The following DNAAF11 variants were observed in gnomAD, a reference collection of about 807,000 sequenced individuals.
DNAAF11 encodes the protein leucine rich repeat containing 6.
DNAAF11 carries 45 observed loss-of-function variants against 60.8 expected under a neutral mutation model. The observed-to-expected ratio is 0.74, with a 90% CI of 0.58 to 0.95. DNAAF11 has a LOEUF of 0.95. Among genes scored for constraint, DNAAF11 ranks in the 40% least tolerant of loss-of-function variants. The pLI is 0.00. For missense variants in DNAAF11, 546 were observed against 546.2 expected (o/e 1.00, Z 0.00); for synonymous variants, 191 against 183.5 (o/e 1.04, Z -0.33).
chr8:132,667,024 A>T (rs1258326718), intron 1 of DNAAF11, among the ~76,000 whole-genome samples: 1 of 152,246 alleles, frequency 6.6e-6, no homozygotes, highest in Non-Finnish European at 1.5e-5. Context: ...TGCGGCATTC[A>T]TTATGGCTAC....
chr8:132,641,489 G>C (rs1026625474), intron 3 of DNAAF11, among the ~76,000 whole-genome samples: 2 of 152,138 alleles, frequency 1.3e-5, no homozygotes, highest in African/African-American at 4.8e-5. Flanking sequence ...CTTGGCGTGA[G>C]ATAGAAGGTC....
At chr8:132,616,528 A>C (rs369777062) in intron 7 of DNAAF11, among the ~76,000 whole-genome samples, 1 of 152,108 alleles carries the variant, frequency 6.6e-6, no homozygotes, top group African/African-American at 2.4e-5. Flanking sequence ...GAGAAGAATT[A>C]AGGGAGAATC....
chr8:132,668,318 TG>T (rs1190633453), intron 1 of DNAAF11, among the ~76,000 whole-genome samples: 1 of 152,208 alleles, frequency 6.6e-6, no homozygotes, highest in Non-Finnish European at 1.5e-5. Flanking sequence ...AGTGTGCTAC[TG>T]AAAAGCACTA....
intron 10 of DNAAF11, among the ~76,000 whole-genome samples, chr8:132,593,410 G>A (rs762581385): frequency 1.4e-5 from 2 of 141,244 alleles, no homozygotes; most frequent in Non-Finnish European, 3.0e-5. Context: ...ACAAATTGCT[G>A]TTGAGAGACA....
chr8:132,651,155 G>C (rs1586695975), intron 3 of DNAAF11, among the ~76,000 whole-genome samples: 1 of 152,138 alleles, frequency 6.6e-6, no homozygotes, highest in South Asian at 2.1e-4. Context: ...AACACTGACT[G>C]CCAAAGGCGG....
intron 10 of DNAAF11, among the ~76,000 whole-genome samples, chr8:132,595,153 T>C (rs1816857948): frequency 6.6e-6 from 1 of 151,898 alleles, no homozygotes; most frequent in Admixed American, 6.6e-5. Flanking sequence ...AACAGACTAA[T>C]ACAGATGTAA....
chr8:132,668,387 G>C (rs978798790), intron 1 of DNAAF11, among the ~76,000 whole-genome samples: 3 of 152,196 alleles, frequency 2.0e-5, no homozygotes, highest in African/African-American at 7.2e-5. Flanking sequence ...ACAGGAGACA[G>C]TGATCGGTGC....
At chr8:132,603,205 T>C (rs889901024) in intron 10 of DNAAF11, among the ~76,000 whole-genome samples, 1 of 152,170 alleles carries the variant, frequency 6.6e-6, no homozygotes, top group Non-Finnish European at 1.5e-5. Context: ...CTCAGTGTGA[T>C]TGTTGTTCCT....
chr8:132,580,818 T>C (rs1815250756), intron 11 of DNAAF11, among the ~76,000 whole-genome samples: 1 of 152,214 alleles, frequency 6.6e-6, no homozygotes, highest in South Asian at 2.1e-4. Context: ...GTGTGTGTGT[T>C]TGTATGTGAG....
chr8:132,670,402 C>T (rs1327197989), intron 1 of DNAAF11, among the ~76,000 whole-genome samples: 1 of 152,070 alleles, frequency 6.6e-6, no homozygotes, highest in African/African-American at 2.4e-5. Flanking sequence ...CCTTAAAAGA[C>T]ACAAATTACA....
chr8:132,695,445 T>C, the DNAAF11 span, among the ~76,000 whole-genome samples: 2 of 152,106 alleles, frequency 1.3e-5, no homozygotes, highest in East Asian at 1.9e-4. Context: ...TTTCCTTCTA[T>C]AGAAACAGGA....
rs188930677 is a variant in DNAAF11, at chr8:132,572,210, C to T, written c.*96G>A. ...CTGGAGCAGCGATATTGACAAATAA[C>T]TCTGTGTTTATCCCAGGAATAATAT... On this transcript the variant is annotated 3_prime_UTR_variant, in exon 12 of 12. Coordinates refer to ENST00000620350, the MANE Select transcript of DNAAF11 (RefSeq NM_012472.6). 3.1e-6 allele frequency: 3 copies of T among 978,966 alleles called. No homozygotes were observed. Among genetic ancestry groups the T allele is most frequent in the African/African-American group, 3.3e-5 (2 of 60,786 alleles). 60.6% of individuals were successfully genotyped at this position (978,966 alleles called of 1,614,324 possible).
intron 10 of DNAAF11, among the ~76,000 whole-genome samples, chr8:132,589,832 T>C (rs1816277049): frequency 6.6e-6 from 1 of 152,238 alleles, no homozygotes; most frequent in Non-Finnish European, 1.5e-5. Context: ...TTAGCATTTA[T>C]AGATCCTCTT....
chr8:132,655,682 A>G lies in DNAAF11; in HGVS notation c.256+1148T>C, dbSNP rs538155911. ...CTTTGAATAAACATTTTTCCAAAGA[A>G]GATATTCAAGTGGCCAGTAAGCACA... On this transcript the variant is annotated intron_variant, in intron 3 of 11. Transcript: ENST00000620350. Among the ~76,000 whole-genome samples the G allele has an allele frequency of 2.0e-5, 3 of 152,352 alleles. No homozygotes were observed. The East Asian group carries it at 5.8e-4, about 29-fold the overall frequency.
intron 3 of DNAAF11, chr8:132,643,723 G>C (rs1822084079): frequency 4.4e-6 from 2 of 456,088 alleles, no homozygotes; most frequent in Non-Finnish European, 8.8e-6. Context: ...AGATAAGCAT[G>C]ATGTAAGTGC....
chr8:132,664,826 ATCTTC>A (rs1397622656), intron 1 of DNAAF11, among the ~76,000 whole-genome samples: 8 of 152,278 alleles, frequency 5.3e-5, no homozygotes, highest in Admixed American at 2.0e-4. Flanking sequence ...CAACTGTCAA[ATCTTC>A]TCTTTCGAAG....
At chr8:132,624,144 G>A (rs1015862238) in intron 6 of DNAAF11, among the ~76,000 whole-genome samples, 1 of 152,186 alleles carries the variant, frequency 6.6e-6, no homozygotes, top group Non-Finnish European at 1.5e-5. Context: ...GGGTATATAT[G>A]TAAGAAATAG....
chr8:132,601,892 G>A (rs1356630345), intron 10 of DNAAF11, among the ~76,000 whole-genome samples: 1 of 152,024 alleles, frequency 6.6e-6, no homozygotes, highest in Non-Finnish European at 1.5e-5. Flanking sequence ...TTTACGTTGT[G>A]CACATGTGCC....
At chr8:132,603,215 T>C (rs1356587301) in intron 10 of DNAAF11, among the ~76,000 whole-genome samples, 1 of 152,194 alleles carries the variant, frequency 6.6e-6, no homozygotes, top group Non-Finnish European at 1.5e-5. Context: ...TTGTTGTTCC[T>C]TGTGACTTAG....
Sources: gnomAD v4.1 joint callset for allele counts (sites outside exome capture counted in the v4.1 genomes callset) on GRCh38, gnomAD v4.1.1 for gene constraint, MANE v1.5 for transcripts, NCBI Gene and HGNC (gene_info 2026-07-23, HGNC 2026-07-21) for gene names.